Variants in STOX2 observed in about 807,000 individuals in gnomAD.
STOX2 encodes the protein storkhead-box protein 2.
STOX2 carries 28 observed loss-of-function variants against 60.9 expected under a neutral mutation model. That is an observed-to-expected ratio of 0.46 (90% confidence interval 0.34 to 0.63). The LOEUF is 0.63. Among genes scored for constraint, STOX2 ranks in the 30% least tolerant of loss-of-function variants. The pLI, the probability that STOX2 is intolerant of heterozygous loss-of-function variation, is 0.01. For synonymous variants in STOX2, 472 were observed against 463.9 expected (o/e 1.02, Z -0.22); for missense variants, 1,024 against 1,187.7 (o/e 0.86, Z 2.03).
At chr4:183,926,188 G>A (rs1344146851) in intron 1 of STOX2, among the ~76,000 whole-genome samples, 1 of 151,686 alleles carries the variant, frequency 6.6e-6, no homozygotes, top group East Asian at 1.9e-4. Context: ...TCAAGATAAA[G>A]AAATAAAACA....
At chr4:183,942,321 G>A (rs1316157438) in intron 1 of STOX2, among the ~76,000 whole-genome samples, 3 of 146,284 alleles carry the variant, frequency 2.1e-5, no homozygotes, top group Middle Eastern at 3.7e-3. Flanking sequence ...ATATATATAT[G>A]TGCCAGGCTT....
chr4:183,863,557 C>T (rs1239433853), intron 1 of STOX2, among the ~76,000 whole-genome samples: 8 of 103,636 alleles, frequency 7.7e-5, no homozygotes, highest in Admixed American at 4.0e-4. Flanking sequence ...GTTTTGTACA[C>T]GAATGTTAAT....
intron 1 of STOX2, among the ~76,000 whole-genome samples, chr4:183,951,438 C>G (rs1320098553): frequency 3.0e-5 from 4 of 134,552 alleles, no homozygotes; most frequent in Non-Finnish European, 6.2e-5. Flanking sequence ...GACAGTCTCT[C>G]TCTCTCTTTT....
At chr4:183,849,514 A>G (rs1740065492) in intron 1 of STOX2, among the ~76,000 whole-genome samples, 1 of 152,238 alleles carries the variant, frequency 6.6e-6, no homozygotes, top group East Asian at 1.9e-4. Context: ...AAAGAAGACA[A>G]TGCTGGAGGG....
upstream of STOX2, among the ~76,000 whole-genome samples, chr4:183,904,465 AG>A (rs1392756300): frequency 6.6e-6 from 1 of 151,830 alleles, no homozygotes; most frequent in African/African-American, 2.4e-5. Context: ...TAACTTCTAA[AG>A]CTGTAATCTT....
In STOX2 at chr4:184,011,351, C is replaced by T. The variant is rs1216355590; in HGVS notation, c.2513C>T (p.Ala838Val). 3 of 1,613,826 alleles carry T rather than the reference C, an allele frequency of 1.9e-6. No homozygotes were observed. The highest frequency in any genetic ancestry group is 2.5e-6 in the Non-Finnish European group (3 of 1,179,890). The change falls in exon 3 of 4, where the codon GCC (alanine) becomes GTC (valine). Residue 838 changes from alanine to valine, a missense_variant. By Grantham distance (64) the Ala-to-Val change is moderately conservative (BLOSUM62 0). Coordinates refer to ENST00000308497, the MANE Select transcript of STOX2 (RefSeq NM_020225.3). The surrounding 1 kb of genome is among the most constrained non-coding windows in gnomAD (Gnocchi z 4.4). ...KETDSSSNQR[A>V]THSARLDSMD... is the part of the protein sequence containing the mutation. ...ACCGACAGCAGCAGCAACCAGAGAG[C>T]CACCCATTCAGCCCGGCTCGACAGC...
At chr4:183,948,848 C>A (rs1490216861) in intron 1 of STOX2, among the ~76,000 whole-genome samples, 2 of 151,914 alleles carry the variant, frequency 1.3e-5, no homozygotes, top group African/African-American at 4.8e-5. Flanking sequence ...TTCTTAAAAT[C>A]GCAATAATGA....
intron 1 of STOX2, among the ~76,000 whole-genome samples, chr4:183,886,900 G>A (rs1365819168): frequency 6.6e-6 from 1 of 152,118 alleles, no homozygotes; most frequent in Non-Finnish European, 1.5e-5. Flanking sequence ...ATTCTTGAAG[G>A]CTATGTTCCT....
chr4:183,907,134 C>T (rs1020941462), intron 1 of STOX2, among the ~76,000 whole-genome samples, 178 bp downstream of exon 1: 1 of 152,092 alleles, frequency 6.6e-6, no homozygotes, highest in Admixed American at 6.5e-5. Flanking sequence ...CACAGCAGGC[C>T]CTCTCAATAT....
chr4:183,830,378 A>G (rs1359409631), intron 1 of STOX2, among the ~76,000 whole-genome samples: 1 of 152,172 alleles, frequency 6.6e-6, no homozygotes, highest in Non-Finnish European at 1.5e-5. Context: ...AGAGTTTGCT[A>G]CTATGGGTGT....
At chr4:183,995,932 C>T (rs539071826) in intron 1 of STOX2, among the ~76,000 whole-genome samples, 1 of 152,322 alleles carries the variant, frequency 6.6e-6, no homozygotes, top group Admixed American at 6.5e-5. Flanking sequence ...GTCCGTCTTC[C>T]ATGCCCCTCA....
intron 1 of STOX2, among the ~76,000 whole-genome samples, chr4:183,849,432 G>C (rs1042230956): frequency 5.9e-5 from 9 of 152,224 alleles, no homozygotes; most frequent in African/African-American, 2.2e-4. Flanking sequence ...GTTGGGGTGG[G>C]AGAAGGAAGG....
chr4:183,969,902 G>C (rs566341810), intron 1 of STOX2, among the ~76,000 whole-genome samples: 1 of 152,162 alleles, frequency 6.6e-6, no homozygotes, highest in Non-Finnish European at 1.5e-5. Context: ...GATTCCAGGC[G>C]TGAGCCACCA....
At position 183,906,934 on chromosome 4, in the gene STOX2, T is replaced by C; in HGVS notation, c.144T>C (p.Ala48=). ...KRFPAAFAPQ[A]SRGYMTSGDV... ...TCCCCGCGGCCTTCGCGCCCCAGGC[T>C]TCGCGGGGCTACATGACATCAGGTT... Residue 48 remains alanine (A), a synonymous_variant, in exon 1 of 4, where the codon GCT becomes GCC. Transcript: ENST00000308497. 1 of 1,548,410 alleles carries C rather than the reference T, an allele frequency of 6.5e-7. No individual in the cohort carries two copies. Among genetic ancestry groups the C allele is most frequent in the Non-Finnish European group, 8.7e-7 (1 of 1,145,002 alleles).
chr4:183,826,106 A>C (rs1306782367), intron 1 of STOX2, among the ~76,000 whole-genome samples: 1 of 152,152 alleles, frequency 6.6e-6, no homozygotes, highest in African/African-American at 2.4e-5. Context: ...CTAGCTCAGC[A>C]GACCAGGAGT....
chr4:183,838,729 T>G (rs908592662), intron 1 of STOX2, among the ~76,000 whole-genome samples: 7 of 152,154 alleles, frequency 4.6e-5, no homozygotes, highest in African/African-American at 1.4e-4. Flanking sequence ...CAGCCCCCAC[T>G]TGGGGCACCC....
intron 1 of STOX2, among the ~76,000 whole-genome samples, chr4:183,960,576 A>G (rs755993799): frequency 7.2e-5 from 11 of 152,216 alleles, no homozygotes; most frequent in South Asian, 2.1e-4. Flanking sequence ...ATCAGTGACA[A>G]TATCTATTGG....
In STOX2 at chr4:183,906,897, T is replaced by C; in HGVS notation, c.107T>C (p.Leu36Pro). The C allele has an allele frequency of 6.4e-7, 1 of 1,550,544 alleles. No individual in the cohort carries two copies. The highest frequency in any genetic ancestry group is 8.7e-7 in the Non-Finnish European group (1 of 1,146,408). The change falls in exon 1 of 4, where the codon CTG (leucine) becomes CCG (proline). Residue 36 changes from leucine to proline, a missense_variant. By Grantham distance (98) the Leu-to-Pro change is moderately conservative (BLOSUM62 -3). This residue lies in a region of STOX2 where 98 missense variants were observed against 110.2 expected (regional missense o/e 0.89). Transcript: ENST00000308497. ...TCCCGCAGCGAGAAGGACTACCGCC[T>C]GCACAAGCGTTTCCCCGCGGCCTTC... ...MRSRSEKDYRLHKRFPAAFAP... is the reference protein window; with the variant it reads ...MRSRSEKDYRPHKRFPAAFAP...
At chr4:183,963,901 T>G (rs1458136000) in intron 1 of STOX2, among the ~76,000 whole-genome samples, 5 of 150,900 alleles carry the variant, frequency 3.3e-5, no homozygotes, top group African/African-American at 4.9e-5. Flanking sequence ...TCAGCCTCCC[T>G]AGTAGCTGGG....
Sources: gnomAD v4.1 joint callset for allele counts (sites outside exome capture counted in the v4.1 genomes callset) on GRCh38, gnomAD v4.1.1 for gene constraint, gnomAD v4.1.1 regional missense constraint, Gnocchi (gnomAD v3.1) non-coding constraint, MANE v1.5 for transcripts, NCBI Gene and HGNC (gene_info 2026-07-23, HGNC 2026-07-21) for gene names.